ERBIN: variants seen among roughly 807,000 people sequenced by gnomAD.
ERBIN encodes erbb2 interacting protein.
In ERBIN, 60 loss-of-function variants were observed where a neutral mutation model predicts 158.4. The ratio of observed to expected loss-of-function variants is 0.38; its 90% CI spans 0.31 to 0.47. ERBIN has a LOEUF of 0.47. ERBIN is among the 20% of genes least tolerant of loss of function. ERBIN has a pLI of 0.99. For missense variants in ERBIN, 1,610 were observed against 1,648.0 expected, an observed-to-expected ratio of 0.98 and a Z score of 0.40; for synonymous variants, 594 against 557.2, an observed-to-expected ratio of 1.07 and a Z score of -0.93.
At chr5:65,956,525 A>G (rs1195900952) in intron 1 of ERBIN, among the ~76,000 whole-genome samples, 1 of 148,846 alleles carries the variant, frequency 6.7e-6, no homozygotes, top group Admixed American at 6.7e-5. Context: ...GCCACCACAC[A>G]CGCCCAGCTA....
intron 7 of ERBIN, among the ~76,000 whole-genome samples, chr5:66,020,158 G>A (rs1164696891): frequency 1.3e-5 from 2 of 151,980 alleles, no homozygotes; most frequent in Non-Finnish European, 2.9e-5. Context: ...GGCATTATGA[G>A]ATGAATTGAA....
intron 4 of ERBIN, among the ~76,000 whole-genome samples, chr5:65,996,264 T>A (rs1365357449): frequency 9.4e-6 from 1 of 106,552 alleles, no homozygotes; most frequent in Non-Finnish European, 2.2e-5. Flanking sequence ...TTTTTTTTTT[T>A]TAACAGTTTT....
rs1762026110 is a variant in ERBIN at position 66,076,884 on chromosome 5, G to T, written c.4066G>T (p.Val1356Leu). 1 of 1,606,470 alleles carries T rather than the reference G, an allele frequency of 6.2e-7. No individual in the cohort carries two copies. Among genetic ancestry groups the T allele is most frequent in the Non-Finnish European group, 8.5e-7 (1 of 1,175,326 alleles). The change falls in exon 25 of 26, where the codon GTA (valine) becomes TTA (leucine). Residue 1356 changes from valine to leucine, a missense_variant. Val to Leu is a conservative substitution (Grantham distance 32). Coordinates refer to ENST00000284037, the MANE Select transcript of ERBIN (RefSeq NM_001253697.2). Reference sequence around the variant, plus strand: ...TTTTTTGTTGTTAAAGGGTATATTTGTAACAAGGGTACAACCTGAAGGACC... The same window carrying T: ...TTTTTTGTTGTTAAAGGGTATATTTTTAACAAGGGTACAACCTGAAGGACC... ...PFRPDDDGIF[V>L]TRVQPEGPAS...
At chr5:66,000,453 CA>C (rs1333079919) in intron 4 of ERBIN, among the ~76,000 whole-genome samples, 2 of 152,070 alleles carry the variant, frequency 1.3e-5, no homozygotes, top group Non-Finnish European at 2.9e-5. Flanking sequence ...TCTAGTTTAG[CA>C]TTTTGTTGTT....
At chr5:66,017,887 T>A (rs932419912) in intron 7 of ERBIN, among the ~76,000 whole-genome samples, 14 of 152,182 alleles carry the variant, frequency 9.2e-5, no homozygotes, top group African/African-American at 3.4e-4. Flanking sequence ...AGGTCTAGTT[T>A]TATTTTTCTG....
Position 66,053,882 on chromosome 5 carries a change from A to C in ERBIN, c.2564A>C (p.Asp855Ala). Residue 855 changes from aspartate (D) to alanine (A), a missense_variant, in exon 21 of 26, where the codon GAT becomes GCT. Asp to Ala is a moderately radical substitution (Grantham distance 126, BLOSUM62 -2). This residue lies in a region of ERBIN where 1,014 missense variants were observed against 936.1 expected (regional missense o/e 1.08). Coordinates refer to ENST00000284037, the MANE Select transcript of ERBIN (RefSeq NM_001253697.2). Reference sequence around the variant, plus strand: ...TTAGGTATTTCCAAAAGCACTGAAGATCTCTCCCCTCAGAAAAGTGGTCCA... The same window carrying C: ...TTAGGTATTTCCAAAAGCACTGAAGCTCTCTCCCCTCAGAAAAGTGGTCCA... ...VDLGISKSTE[D>A]LSPQKSGPVG... 6.2e-7 allele frequency: 1 copy of C among 1,614,148 alleles called. No homozygotes were observed. Among genetic ancestry groups the C allele is most frequent in the Non-Finnish European group, 8.5e-7 (1 of 1,180,016 alleles).
At chr5:65,994,690 T>A in intron 3 of ERBIN, 57 bp from the exon 4 acceptor site, 1 of 956,018 alleles carries the variant, frequency 1.0e-6, no homozygotes, top group Non-Finnish European at 1.6e-6. Flanking sequence ...AAAAGTTAGT[T>A]CATGAAATAT....
rs185474719 is a variant in ERBIN, at chr5:65,988,975, C to T, written c.-10+293C>T. Among the ~76,000 whole-genome samples the T allele has an allele frequency of 3.1e-3, 387 of 125,634 alleles. 2 individuals are homozygous for T. Among genetic ancestry groups the T allele is most frequent in the African/African-American group, 8.8e-3 (271 of 30,934 alleles). The allele number at this position is 125,634 out of a possible 152,430, so 82.4% of individuals were successfully genotyped here. ...TCCAGCCTGGGCAACAGAGTGTGAC[C>T]CTGTTTCCAAAAAAAAAAAAAAAAA... is the stretch of plus-strand genomic sequence containing the variant. On this transcript the variant is annotated intron_variant, in intron 2 of 25. Coordinates refer to ENST00000284037, the MANE Select transcript of ERBIN (RefSeq NM_001253697.2).
intron 2 of ERBIN, among the ~76,000 whole-genome samples, chr5:65,990,439 C>T (rs1036608926): frequency 1.3e-5 from 2 of 151,064 alleles, no homozygotes; most frequent in Non-Finnish European, 1.5e-5. Flanking sequence ...GAGGCCAAGA[C>T]AGGCGGATCA....
At chr5:66,003,923 CTTTTT>C (rs35063438) in intron 4 of ERBIN, among the ~76,000 whole-genome samples, 1 of 62,642 alleles carries the variant, frequency 1.6e-5, no homozygotes, top group African/African-American at 6.2e-5. Flanking sequence ...GAGCAGCAGT[CTTTTT>C]TTTTTTTTTT....
chr5:65,950,062 G>T (rs969104581), intron 1 of ERBIN, among the ~76,000 whole-genome samples: 1 of 152,186 alleles, frequency 6.6e-6, no homozygotes, highest in South Asian at 2.1e-4. Flanking sequence ...CTGGAGTGCA[G>T]TGGTGTGATC....
In ERBIN at chr5:66,072,292, G is replaced by C; in HGVS notation, c.3756+1G>C. ...TGTTCCTCCAGACAGCTTGATGAAA[G>C]TGGGTGCTCGGGAAAACAAAATGTA... On this transcript the variant is annotated splice_donor_variant, in intron 22 of 25. Transcript: ENST00000284037. LOFTEE classifies it high-confidence loss of function. The C allele has an allele frequency of 6.5e-7, 1 of 1,549,928 alleles. No individual in the cohort carries two copies. The highest frequency in any genetic ancestry group is 8.7e-7 in the Non-Finnish European group (1 of 1,146,696).
intron 1 of ERBIN, among the ~76,000 whole-genome samples, chr5:65,973,922 TCTATTGTG>T (rs1269295559): frequency 2.6e-5 from 4 of 151,344 alleles, no homozygotes; most frequent in African/African-American, 9.8e-5. Context: ...CAGTTTAGAA[TCTATTGTG>T]CTAATACATA....
intron 1 of ERBIN, among the ~76,000 whole-genome samples, chr5:65,971,740 G>T (rs1174581775): frequency 6.6e-6 from 1 of 152,184 alleles, no homozygotes; most frequent in African/African-American, 2.4e-5. Context: ...TATGGCTTCA[G>T]ATGTTACAGT....
At chr5:65,963,286 A>C (rs1222746721) in intron 1 of ERBIN, among the ~76,000 whole-genome samples, 2 of 152,212 alleles carry the variant, frequency 1.3e-5, no homozygotes, top group African/African-American at 4.8e-5. Flanking sequence ...TAACTGAGTA[A>C]TATTAAATTG....
rs537933638 is a variant in ERBIN, at chr5:65,977,876, T to C, written c.-57-10759T>C. On this transcript the variant is annotated intron_variant, in intron 1 of 25. Transcript: ENST00000284037. ...CTCCAGCCTGGGCACCATTGAGCAC[T>C]GAGTGAACGAGACTCCGTCTGCAAT... Among the ~76,000 whole-genome samples, 37 of 151,978 alleles carry C rather than the reference T, an allele frequency of 2.4e-4. 1 individual carries two copies. In the South Asian group the frequency reaches 7.5e-3, roughly 31 times the overall value.
intron 4 of ERBIN, among the ~76,000 whole-genome samples, chr5:66,004,144 G>A (rs1753310800): frequency 7.3e-6 from 1 of 137,764 alleles, no homozygotes; most frequent in Non-Finnish European, 1.6e-5. Context: ...GTTTTGCCAT[G>A]TTGCCCAGGC....
chr5:65,958,369 G>C (rs915457966), intron 1 of ERBIN, among the ~76,000 whole-genome samples: 2 of 152,210 alleles, frequency 1.3e-5, no homozygotes, highest in Admixed American at 6.5e-5. Flanking sequence ...CTGCAATCCC[G>C]GCACCTCGGG....
chr5:66,053,007 A>G (rs145306802), intron 20 of ERBIN, among the ~76,000 whole-genome samples: 2 of 152,238 alleles, frequency 1.3e-5, no homozygotes, highest in African/African-American at 4.8e-5. Flanking sequence ...TCTTTACTCC[A>G]CTATTCATGT....
Sources: gnomAD v4.1 joint callset for allele counts (sites outside exome capture counted in the v4.1 genomes callset) on GRCh38, gnomAD v4.1.1 for gene constraint, gnomAD v4.1.1 regional missense constraint, MANE v1.5 for transcripts, NCBI Gene and HGNC (gene_info 2026-07-23, HGNC 2026-07-21) for gene names.